SUPT16H: variants seen among roughly 807,000 people sequenced by gnomAD.
The protein encoded by SUPT16H is SPT16 homolog, facilitates chromatin remodeling subunit, also known as FACT complex subunit SPT16.
A neutral mutation model predicts 136.2 loss-of-function variants in SUPT16H; 24 were observed. The ratio of observed to expected loss-of-function variants is 0.18; its 90% confidence interval spans 0.13 to 0.25. The LOEUF (loss-of-function observed/expected upper bound fraction) is 0.25. Ranked by LOEUF, SUPT16H falls within the 10% of genes least tolerant of loss-of-function variation. The pLI, the probability that SUPT16H is intolerant of heterozygous loss-of-function variation, is 1.00. For missense variants in SUPT16H, 623 were observed against 1,270.2 expected, an observed-to-expected ratio of 0.49 and a Z score of 7.74; for synonymous variants, 415 against 428.2, an observed-to-expected ratio of 0.97 and a Z score of 0.38.
chr14:21,358,965 C>T lies in SUPT16H; in HGVS notation c.2301+519G>A, dbSNP rs530311167. Among the ~76,000 whole-genome samples the T allele has an allele frequency of 5.3e-5, 8 of 152,112 alleles. No individual in the cohort carries two copies. In the East Asian group the frequency reaches 1.2e-3, roughly 22 times the overall value. On this transcript the variant is annotated intron_variant, in intron 19 of 25. Coordinates refer to ENST00000216297, the MANE Select transcript of SUPT16H (RefSeq NM_007192.4). The stretch of plus-strand genomic sequence containing the variant: ...GACTACAGGAGCCCGCCACTACACC[C>T]GGCTAATTTTTTTGTATTTTTAGTA...
At chr14:21,354,886 C>G (rs1034306557) in intron 22 of SUPT16H, 2 of 190,278 alleles carry the variant, frequency 1.1e-5, no homozygotes, top group Admixed American at 1.1e-4. Flanking sequence ...GCCACCGCGC[C>G]CTGCCTGGGA....
At chr14:21,360,256 G>A (rs970884330) in intron 18 of SUPT16H, among the ~76,000 whole-genome samples, 159 bp downstream of exon 18, 1 of 152,030 alleles carries the variant, frequency 6.6e-6, no homozygotes, top group Non-Finnish European at 1.5e-5. Context: ...TCGAACTCCC[G>A]ACCTCAGGTG....
At chr14:21,364,710 C>A (rs1436770623) in intron 10 of SUPT16H, 117 bp downstream of exon 10, 5 of 798,724 alleles carry the variant, frequency 6.3e-6, no homozygotes, top group South Asian at 1.6e-5. Flanking sequence ...GTTAGGCTGT[C>A]ACACGGATTC....
chr14:21,354,477 G>A lies in SUPT16H; in HGVS notation c.2724C>T (p.Thr908=). ...QSLNWTKIMK[T]IVDDPEGFFE... is the part of the protein sequence containing the mutation. ...AGAAGCCCTCAGGGTCATCAACAAT[G>A]GTCTTCATGATTTTAGTCCAGTTGA... The change falls in exon 23 of 26, where the codon ACC becomes ACT. Residue 908 remains threonine (T), a synonymous_variant. Transcript: ENST00000216297. 2 of 1,614,150 alleles carry A rather than the reference G, an allele frequency of 1.2e-6. No individual in the cohort carries two copies. Among genetic ancestry groups the A allele is most frequent in the Non-Finnish European group, 1.7e-6 (2 of 1,180,004 alleles).
At chr14:21,377,593 A>G (rs948632610) in intron 1 of SUPT16H, among the ~76,000 whole-genome samples, 4 of 141,946 alleles carry the variant, frequency 2.8e-5, no homozygotes, top group Non-Finnish European at 6.1e-5. Flanking sequence ...TTTTTTTTGC[A>G]TGGGGTTACA....
chr14:21,357,903 T>A (rs779234720), intron 21 of SUPT16H, 24 bp downstream of exon 21: 1 of 1,605,586 alleles, frequency 6.2e-7, no homozygotes, highest in Admixed American at 1.7e-5. Flanking sequence ...ATTTTCTTAC[T>A]AAAAGAAAGT....
intron 3 of SUPT16H, 71 bp from the exon 4 acceptor site, chr14:21,370,559 GGTA>G (rs1886764254): frequency 6.7e-7 from 1 of 1,498,886 alleles, no homozygotes; most frequent in Non-Finnish European, 9.1e-7. Context: ...ACCAGTAACA[GGTA>G]GAATAATATT....
intron 22 of SUPT16H, among the ~76,000 whole-genome samples, chr14:21,356,857 G>A (rs1886445610): frequency 6.6e-6 from 1 of 152,336 alleles, no homozygotes; most frequent in African/African-American, 2.4e-5. Context: ...ACTGGGTGCA[G>A]TGGCTTGTGC....
At chr14:21,383,531 G>C (rs533635055) in intron 1 of SUPT16H, 1 of 659,888 alleles carries the variant, frequency 1.5e-6, no homozygotes, top group East Asian at 2.7e-5. Context: ...GAACACGGCA[G>C]GGGAGGGCAG....
Position 21,351,648 on chromosome 14 carries a change from A to G in SUPT16H, c.*1025T>C, listed in dbSNP as rs984559796. On this transcript the variant is annotated 3_prime_UTR_variant, in exon 26 of 26. Transcript: ENST00000216297. ...AGCACGGAAGGAACTGCAGTGGGAC[A>G]GGTGGGTGCAGAGAACCAGAAGGGG... 2.8e-4 allele frequency: 45 copies of G among 159,322 alleles called. 1 individual carries two copies. The highest frequency in any genetic ancestry group is 9.4e-4 in the African/African-American group (39 of 41,526). 9.9% of individuals were successfully genotyped at this position (159,322 alleles called of 1,614,324 possible).
chr14:21,361,750 T>TTTTAACAC (rs1463865261), intron 15 of SUPT16H, among the ~76,000 whole-genome samples: 2 of 152,206 alleles, frequency 1.3e-5, no homozygotes, highest in Non-Finnish European at 2.9e-5. Context: ...TGTTTATTAC[T>TTTTAACAC]TTTAACACTT....
intron 23 of SUPT16H, 55 bp from the exon 24 acceptor site, chr14:21,353,887 A>G (rs2139393890): frequency 6.5e-7 from 1 of 1,541,874 alleles, no homozygotes; most frequent in East Asian, 2.3e-5. Flanking sequence ...TTATTAACTT[A>G]ATGAATTAAT....
intron 1 of SUPT16H, among the ~76,000 whole-genome samples, chr14:21,373,740 T>C (rs998581595): frequency 2.0e-5 from 3 of 152,302 alleles, no homozygotes; most frequent in Admixed American, 1.3e-4. Flanking sequence ...TTATTACTTA[T>C]TTTTGAGATG....
intron 1 of SUPT16H, among the ~76,000 whole-genome samples, chr14:21,378,193 T>C (rs116197114): frequency 0.013 from 2,027 of 151,998 alleles, 48 homozygotes; most frequent in African/African-American, 0.047. Context: ...GGAGTGAGGT[T>C]GCTCTTAAGA....
At chr14:21,379,344 G>T (rs946249422) in intron 1 of SUPT16H, among the ~76,000 whole-genome samples, 1 of 151,448 alleles carries the variant, frequency 6.6e-6, no homozygotes, top group African/African-American at 2.4e-5. Flanking sequence ...GCTGAGACAC[G>T]AGAATTGCTT....
intron 1 of SUPT16H, 96 bp from the exon 2 acceptor site, chr14:21,373,526 G>T: frequency 2.1e-6 from 2 of 961,862 alleles, no homozygotes; most frequent in Admixed American, 1.7e-5. Context: ...ATTTTCTCCT[G>T]ATAGAAATTT....
rs147542478 is a variant in SUPT16H at position 21,377,786 on chromosome 14, G to A, written c.67-4356C>T. On this transcript the variant is annotated intron_variant, in intron 1 of 25. Coordinates refer to ENST00000216297, the MANE Select transcript of SUPT16H (RefSeq NM_007192.4). The stretch of plus-strand genomic sequence containing the variant: ...TTACAGGAATGTGGCACCATGCCTG[G>A]TTAATTTCTGTATTTTTAGTAGAGA... 7.3e-3 allele frequency among the ~76,000 whole-genome samples: 1,107 copies of A among 152,216 alleles called. 12 individuals are homozygous for A. The highest frequency in any genetic ancestry group is 0.025 in the African/African-American group (1,055 of 41,538).
rs971154153 is a variant in SUPT16H, at chr14:21,366,548, G to T, written c.956-19C>A. The T allele has an allele frequency of 8.1e-6, 13 of 1,600,114 alleles. No individual in the cohort carries two copies. The East Asian group carries it at 2.0e-4, about 25-fold the overall frequency. On this transcript the variant is annotated intron_variant, in intron 7 of 25. Transcript: ENST00000216297. ...TTCACACCTAATAACAAGACACAAA[G>T]GAGATATTAAAGTATCTTTTAGGAA... is the stretch of plus-strand genomic sequence containing the variant.
intron 1 of SUPT16H, among the ~76,000 whole-genome samples, chr14:21,375,486 A>ACAAGTCCCTCAT (rs71112582): frequency 6.6e-6 from 1 of 152,016 alleles, no homozygotes; most frequent in Non-Finnish European, 1.5e-5. Context: ...TATTCTAGAC[A>ACAAGTCCCTCAT]CAGGATCTGC....
Sources: allele counts gnomAD v4.1 joint callset (sites outside exome capture counted in the v4.1 genomes callset), GRCh38; gene constraint gnomAD v4.1.1; transcripts MANE v1.5; gene names NCBI Gene and HGNC (gene_info 2026-07-23, HGNC 2026-07-21).